PC: variants seen among roughly 807,000 people sequenced by gnomAD.
PC encodes the protein pyruvate carboxylase, mitochondrial.
Under a neutral mutation model 107.8 loss-of-function variants are expected in PC, and 46 were observed. The observed-to-expected ratio is 0.43, with a 90% CI of 0.34 to 0.55. The LOEUF is 0.55. Ranked by LOEUF, PC falls within the 20% of genes least tolerant of loss-of-function variation. The pLI is 0.04. For synonymous variants in PC, 662 were observed against 684.7 expected (o/e 0.97, Z 0.52); for missense variants, 1,241 against 1,643.1 (o/e 0.76, Z 4.23).
At chr11:66,899,927 G>A (rs1455512350) in intron 3 of PC, among the ~76,000 whole-genome samples, 1 of 152,172 alleles carries the variant, frequency 6.6e-6, no homozygotes, top group Non-Finnish European at 1.5e-5. Context: ...TATATGGTAT[G>A]AGGTGGGGTC....
intron 3 of PC, among the ~76,000 whole-genome samples, chr11:66,898,202 A>G (rs986785916): frequency 1.3e-5 from 2 of 152,216 alleles, no homozygotes; most frequent in African/African-American, 4.8e-5. Flanking sequence ...GAGGGCCCTC[A>G]GTGGCAGACA....
intron 3 of PC, among the ~76,000 whole-genome samples, chr11:66,921,437 A>G (rs1008195625): frequency 6.6e-6 from 1 of 152,230 alleles, no homozygotes; most frequent in African/African-American, 2.4e-5. Context: ...ATTGCGTCAG[A>G]TGCTACTGGG....
intron 3 of PC, among the ~76,000 whole-genome samples, chr11:66,901,938 T>C (rs1318766454): frequency 4.6e-5 from 7 of 152,218 alleles, no homozygotes; most frequent in Non-Finnish European, 1.0e-4. Flanking sequence ...CTGGGTAGTC[T>C]TGACTGCTAT....
intron 3 of PC, among the ~76,000 whole-genome samples, chr11:66,899,804 C>T (rs928088585): frequency 6.6e-5 from 10 of 152,234 alleles, no homozygotes; most frequent in East Asian, 1.9e-4. Context: ...TGTGCTTTGG[C>T]GTCGTATCTA....
chr11:66,915,184 G>A (rs1467156374), intron 3 of PC, among the ~76,000 whole-genome samples: 6 of 152,222 alleles, frequency 3.9e-5, no homozygotes, highest in South Asian at 2.1e-4. Context: ...AGCTCCTCCC[G>A]CCCTCCACTC....
At chr11:66,863,992 A>C (rs754424027) in intron 11 of PC, 36 bp from the exon 12 acceptor site, 1 of 1,611,382 alleles carries the variant, frequency 6.2e-7, no homozygotes, top group Non-Finnish European at 8.5e-7. Flanking sequence ...CCTGCGCCAG[A>C]AACTGCGGTC....
intron 3 of PC, among the ~76,000 whole-genome samples, chr11:66,907,622 C>T (rs774060439): frequency 6.6e-6 from 1 of 152,218 alleles, no homozygotes; most frequent in Non-Finnish European, 1.5e-5. Context: ...ACAGTCCCCA[C>T]AGCTCTTGAG....
chr11:66,896,656 G>A (rs1280891752), intron 3 of PC, among the ~76,000 whole-genome samples: 1 of 152,220 alleles, frequency 6.6e-6, no homozygotes, highest in Non-Finnish European at 1.5e-5. Context: ...TCTTACTGAT[G>A]AGAGGGCCTA....
At position 66,849,819 on chromosome 11, in the gene PC, G is replaced by A; in HGVS notation, c.2939C>T (p.Ala980Val). Residue 980 changes from alanine (A) to valine (V), a missense_variant, in exon 21 of 23, where the codon GCC (alanine) becomes GTC (valine). Physicochemically the swap from Ala to Val is moderately conservative, Grantham distance 64. This residue lies in a region of PC where 1,143 missense variants were observed against 1,551.9 expected (regional missense o/e 0.74). Coordinates refer to ENST00000393960, the MANE Select transcript of PC (RefSeq NM_001040716.2). ...DLPRVEGRPG[A>V]SLPPLDLQAL... is the part of the protein sequence containing the mutation. ...CTGCAGATCCAGGGGAGGGAGGGAG[G>A]CTCCAGGCCGCCCCTCCACCCTTGG... is the stretch of plus-strand genomic sequence containing the variant. 1 of 1,613,860 alleles carries A rather than the reference G, an allele frequency of 6.2e-7. No homozygotes were observed. The highest frequency in any genetic ancestry group is 1.3e-5 in the African/African-American group (1 of 75,042).
intron 12 of PC, among the ~76,000 whole-genome samples, chr11:66,854,529 G>A (rs1050188624): frequency 6.6e-6 from 1 of 152,198 alleles, no homozygotes; most frequent in African/African-American, 2.4e-5. Context: ...ATGAGGCTGG[G>A]CCAGGGTGAG....
At chr11:66,861,569 G>A (rs1946259486) in intron 12 of PC, among the ~76,000 whole-genome samples, 2 of 149,396 alleles carry the variant, frequency 1.3e-5, no homozygotes, top group South Asian at 4.4e-4. Context: ...TGGTTTAGAT[G>A]AATGGGAGCA....
At chr11:66,948,796 T>G (rs1470668328) in intron 3 of PC, among the ~76,000 whole-genome samples, 1 of 151,970 alleles carries the variant, frequency 6.6e-6, no homozygotes, top group Non-Finnish European at 1.5e-5. Context: ...GCTGAGACTG[T>G]GCCACTGTAC....
At chr11:66,886,598 A>G (rs768489031) in intron 3 of PC, among the ~76,000 whole-genome samples, 12 of 152,096 alleles carry the variant, frequency 7.9e-5, no homozygotes, top group African/African-American at 2.7e-4. Context: ...ATGAAGAGGG[A>G]CTGTGCCAAG....
chr11:66,901,546 T>G (rs997034197), intron 3 of PC, among the ~76,000 whole-genome samples: 2 of 152,224 alleles, frequency 1.3e-5, no homozygotes, highest in Non-Finnish European at 2.9e-5. Flanking sequence ...CTTGGCTCAC[T>G]GCAACCTCCA....
chr11:66,849,541 C>T (rs1945344559), intron 21 of PC, 70 bp downstream of exon 21: 2 of 1,612,576 alleles, frequency 1.2e-6, no homozygotes, highest in Non-Finnish European at 1.7e-6. Flanking sequence ...TGGGTGACAG[C>T]CAAGCTAAAC....
intron 12 of PC, among the ~76,000 whole-genome samples, chr11:66,856,415 C>CGGGGCGGCG (rs1038073858): frequency 4.7e-5 from 5 of 106,434 alleles, no homozygotes; most frequent in African/African-American, 1.7e-4. Context: ...GGGGACAGGG[C>CGGGGCGGCG]GGGGCGGCGG....
chr11:66,899,041 T>C (rs1221315898), intron 3 of PC, among the ~76,000 whole-genome samples: 2 of 152,136 alleles, frequency 1.3e-5, no homozygotes, highest in Admixed American at 1.3e-4. Flanking sequence ...CGGCTAATTT[T>C]GTATTTTTAG....
chr11:66,861,609 C>T (rs1434910264), intron 12 of PC, among the ~76,000 whole-genome samples: 3 of 146,122 alleles, frequency 2.1e-5, no homozygotes, highest in Admixed American at 7.0e-5. Context: ...GTGTGGGGAG[C>T]GAACGCCATG....
rs781255326 is a variant in PC at position 66,858,143 on chromosome 11, C to T, written c.1369-4760G>A. 7.5e-5 allele frequency: 121 copies of T among 1,610,450 alleles called. No homozygotes were observed. The East Asian group carries it at 2.7e-3, about 35-fold the overall frequency. ...TCATCCTCAGCGGCAACCAGCTGGG[C>T]CGCATCGCGCCGGGAGCCTTCGACG... On this transcript the variant is annotated intron_variant, in intron 12 of 22. Transcript: ENST00000393960. This position sits in a 1 kb window ranked among gnomAD's most constrained non-coding sequence, Gnocchi z 5.9.
Sources: gnomAD v4.1 joint callset for allele counts (sites outside exome capture counted in the v4.1 genomes callset) on GRCh38, gnomAD v4.1.1 for gene constraint, gnomAD v4.1.1 regional missense constraint, Gnocchi (gnomAD v3.1) non-coding constraint, MANE v1.5 for transcripts, NCBI Gene and HGNC (gene_info 2026-07-23, HGNC 2026-07-21) for gene names.